Variants in PRTFDC1 observed in about 807,000 individuals in gnomAD.
PRTFDC1 encodes phosphoribosyltransferase domain-containing protein 1.
Under a neutral mutation model 34.6 loss-of-function variants are expected in PRTFDC1, and 38 were observed. The ratio of observed to expected loss-of-function variants is 1.10; its 90% confidence interval spans 0.85 to 1.44. PRTFDC1 has a LOEUF of 1.44. Ranked by LOEUF, PRTFDC1 falls within the 40% of genes most tolerant of loss-of-function variation. The pLI is 0.00. For synonymous variants in PRTFDC1, 93 were observed against 98.1 expected, an observed-to-expected ratio of 0.95 and a Z score of 0.31; for missense variants, 270 against 283.0, an observed-to-expected ratio of 0.95 and a Z score of 0.33.
rs1267731962 is a variant in PRTFDC1 at position 24,910,914 on chromosome 10, C to T, written c.339+26270G>A. 2.0e-5 allele frequency among the ~76,000 whole-genome samples: 3 copies of T among 150,444 alleles called. No homozygotes were observed. The East Asian group carries it at 5.8e-4, about 29-fold the overall frequency. On this transcript the variant is annotated intron_variant, in intron 3 of 8. Coordinates refer to ENST00000320152, the MANE Select transcript of PRTFDC1 (RefSeq NM_020200.7). ...GTAATTTTTTTTTTTTTTTTGCAACCTCCACCTCCCAGGCTCAAGTGATCT... is the reference window on the plus strand; with the variant it reads ...GTAATTTTTTTTTTTTTTTTGCAACTTCCACCTCCCAGGCTCAAGTGATCT...
intron 4 of PRTFDC1, among the ~76,000 whole-genome samples, chr10:24,865,062 G>A (rs1327941315): frequency 1.3e-5 from 2 of 152,166 alleles, no homozygotes; most frequent in African/African-American, 4.8e-5. Context: ...GTTGCAGTGA[G>A]CTGAGATCGT....
intron 3 of PRTFDC1, among the ~76,000 whole-genome samples, chr10:24,934,254 A>AAGAAGAAGG (rs1296619393): frequency 6.4e-5 from 3 of 46,666 alleles, no homozygotes; most frequent in African/African-American, 1.5e-4. Flanking sequence ...GAAGGAGAAG[A>AAGAAGAAGG]AGAAGAAGAA....
intron 3 of PRTFDC1, among the ~76,000 whole-genome samples, chr10:24,910,105 G>A (rs1848605310): frequency 6.6e-6 from 1 of 152,066 alleles, no homozygotes; most frequent in African/African-American, 2.4e-5. Context: ...AGGTTGCTGC[G>A]AGCCGAAATC....
chr10:24,947,160 A>C (rs1849263367), intron 1 of PRTFDC1, among the ~76,000 whole-genome samples: 1 of 152,188 alleles, frequency 6.6e-6, no homozygotes, highest in Non-Finnish European at 1.5e-5. Flanking sequence ...CAAAAAGTAT[A>C]AAAGTAGAAG....
intron 3 of PRTFDC1, among the ~76,000 whole-genome samples, chr10:24,890,921 AG>A (rs1176524624): frequency 1.3e-5 from 2 of 152,200 alleles, no homozygotes; most frequent in Non-Finnish European, 2.9e-5. Context: ...CAGGAAAAGC[AG>A]GAACTGCAGC....
intron 3 of PRTFDC1, among the ~76,000 whole-genome samples, chr10:24,884,615 A>C (rs1288736598): frequency 6.6e-6 from 1 of 152,242 alleles, no homozygotes; most frequent in East Asian, 1.9e-4. Flanking sequence ...CTTATGAAGA[A>C]GATTTTCTTT....
intron 3 of PRTFDC1, among the ~76,000 whole-genome samples, chr10:24,909,861 T>C (rs868139671): frequency 4.6e-5 from 7 of 152,054 alleles, no homozygotes; most frequent in Admixed American, 1.3e-4. Flanking sequence ...ACGAAATACA[T>C]AAATTTTGGC....
At chr10:24,888,336 T>C (rs1029530985) in intron 3 of PRTFDC1, among the ~76,000 whole-genome samples, 3 of 152,230 alleles carry the variant, frequency 2.0e-5, no homozygotes, top group African/African-American at 7.2e-5. Context: ...TCCCTGATGC[T>C]AGTCTTCTCT....
At chr10:24,916,622 G>A (rs1056564865) in intron 3 of PRTFDC1, among the ~76,000 whole-genome samples, 6 of 152,050 alleles carry the variant, frequency 3.9e-5, no homozygotes, top group African/African-American at 1.4e-4. Context: ...TCTGCATGGG[G>A]AGCCTTTGTT....
intron 2 of PRTFDC1, among the ~76,000 whole-genome samples, chr10:24,938,468 A>C (rs1849091317): frequency 6.6e-6 from 1 of 152,176 alleles, no homozygotes; most frequent in African/African-American, 2.4e-5. Context: ...ATTACCCCCC[A>C]GCCCCTATCC....
rs1290247508 is a variant in PRTFDC1 at position 24,924,006 on chromosome 10, GCACAAGCTT to G, written c.339+13169_339+13177del. 5.9e-5 allele frequency among the ~76,000 whole-genome samples: 9 copies of G among 152,276 alleles called. No individual in the cohort carries two copies. In the South Asian group the frequency reaches 8.3e-4, roughly 14 times the overall value. On this transcript the variant is annotated intron_variant, in intron 3 of 8. Transcript: ENST00000320152. The stretch of plus-strand genomic sequence containing the variant: ...ACAGTACGAGAACTTCGTGACGCAT[GCACAAGCTT>G]CAATAGCTGATTCGATCAAGTAGAA...
chr10:24,930,960 A>G lies in PRTFDC1; in HGVS notation c.339+6224T>C, dbSNP rs368112254. Among the ~76,000 whole-genome samples the G allele has an allele frequency of 3.3e-5, 5 of 152,188 alleles. No homozygotes were observed. In the East Asian group the frequency reaches 5.8e-4, roughly 18 times the overall value. On this transcript the variant is annotated intron_variant, in intron 3 of 8. Coordinates refer to ENST00000320152, the MANE Select transcript of PRTFDC1 (RefSeq NM_020200.7). ...AAGAAATAGTAGTATTTAGTTTGACATGGATTACAATGGTGATAGTTTCCG... is the reference window on the plus strand; with the variant it reads ...AAGAAATAGTAGTATTTAGTTTGACGTGGATTACAATGGTGATAGTTTCCG...
Position 24,927,024 on chromosome 10 carries a change from T to A in PRTFDC1, c.339+10160A>T, listed in dbSNP as rs4319409. On this transcript the variant is annotated intron_variant, in intron 3 of 8. Transcript: ENST00000320152. ...TATAAAATAAAAAGGCTGTAAGGAG[T>A]GATAACAAAAAATACTGAGATTAAC... Among the ~76,000 whole-genome samples the A allele has an allele frequency of 2.6e-5, 4 of 151,910 alleles. No homozygotes were observed. The South Asian group carries it at 6.2e-4, about 24-fold the overall frequency.
chr10:24,881,033 C>CTCTT (rs56134563), intron 3 of PRTFDC1, among the ~76,000 whole-genome samples: 16,584 of 132,086 alleles, frequency 0.13, 1,320 homozygotes, highest in Non-Finnish European at 0.17. Flanking sequence ...CTCTCTCTAT[C>CTCTT]TCTTTCTTTC....
chr10:24,932,658 T>C (rs187220412), intron 3 of PRTFDC1, among the ~76,000 whole-genome samples: 20 of 152,120 alleles, frequency 1.3e-4, no homozygotes, highest in African/African-American at 4.6e-4. Context: ...TTAGGAGATA[T>C]ACCGTGTTCA....
chr10:24,918,381 G>A (rs1487531056), intron 3 of PRTFDC1, among the ~76,000 whole-genome samples: 1 of 152,052 alleles, frequency 6.6e-6, no homozygotes, highest in Non-Finnish European at 1.5e-5. Context: ...AGTGGAGAAT[G>A]CAAATCAAAT....
At position 24,866,790 on chromosome 10, in the gene PRTFDC1, GAA is replaced by G. The variant is rs1847786074; in HGVS notation, c.405+5206_405+5207del. On this transcript the variant is annotated intron_variant, in intron 4 of 8. Coordinates refer to ENST00000320152, the MANE Select transcript of PRTFDC1 (RefSeq NM_020200.7). The stretch of plus-strand genomic sequence containing the variant: ...CTTCCTTTCCTTGGAAGAAAAGAAA[GAA>G]AGAGAGAGAGAGAGAGAGAAAAGAA... 3.6e-5 allele frequency among the ~76,000 whole-genome samples: 3 copies of G among 83,042 alleles called. No individual in the cohort carries two copies. The South Asian group carries it at 1.1e-3, about 32-fold the overall frequency. The allele number at this position is 83,042 out of a possible 152,430, so 54.5% of individuals were successfully genotyped here.
chr10:24,944,182 G>C (rs910864399), intron 1 of PRTFDC1, among the ~76,000 whole-genome samples: 9 of 152,040 alleles, frequency 5.9e-5, no homozygotes, highest in Non-Finnish European at 1.3e-4. Flanking sequence ...CCAAATTCCT[G>C]GTGCCCCTTG....
intron 1 of PRTFDC1, among the ~76,000 whole-genome samples, chr10:24,943,117 C>T (rs1377959322): frequency 6.6e-6 from 1 of 150,594 alleles, no homozygotes; most frequent in Non-Finnish European, 1.5e-5. Context: ...TTCTAAAATA[C>T]ATGCAGTATC....
Sources: gnomAD v4.1 joint callset for allele counts (sites outside exome capture counted in the v4.1 genomes callset) on GRCh38, gnomAD v4.1.1 for gene constraint, MANE v1.5 for transcripts, NCBI Gene and HGNC (gene_info 2026-07-23, HGNC 2026-07-21) for gene names.